Variants in ACVR2A observed in about 807,000 individuals in gnomAD.
ACVR2A encodes activin A receptor type 2A.
In ACVR2A, 7 loss-of-function variants were observed where a neutral mutation model predicts 61.4. The observed-to-expected ratio is 0.11, with a 90% CI of 0.06 to 0.21. The LOEUF is 0.21. Ranked by LOEUF, ACVR2A falls within the 10% of genes least tolerant of loss-of-function variation. The pLI is 1.00. For missense variants in ACVR2A, 322 were observed against 621.7 expected, an observed-to-expected ratio of 0.52 and a Z score of 5.13; for synonymous variants, 193 against 208.3, an observed-to-expected ratio of 0.93 and a Z score of 0.63.
At chr2:147,866,628 A>C (rs1685862143) in intron 1 of ACVR2A, among the ~76,000 whole-genome samples, 1 of 152,130 alleles carries the variant, frequency 6.6e-6, no homozygotes, top group Admixed American at 6.5e-5. Flanking sequence ...GAGTCTGCAG[A>C]GGTGGGTAGG....
At chr2:147,854,595 A>G (rs1685523073) in intron 1 of ACVR2A, among the ~76,000 whole-genome samples, 1 of 152,182 alleles carries the variant, frequency 6.6e-6, no homozygotes, top group African/African-American at 2.4e-5. Flanking sequence ...AGCCATTAAG[A>G]TTTCACTTTA....
intron 1 of ACVR2A, among the ~76,000 whole-genome samples, chr2:147,888,250 C>T (rs1384509591): frequency 2.6e-5 from 4 of 152,048 alleles, no homozygotes; most frequent in Non-Finnish European, 5.9e-5. Flanking sequence ...GTCAGGAAAG[C>T]GGGTGGTGAT....
chr2:147,886,612 A>G (rs77055899), intron 1 of ACVR2A, among the ~76,000 whole-genome samples: 1,804 of 152,322 alleles, frequency 0.012, 19 homozygotes, highest in South Asian at 0.02. Flanking sequence ...ATAATTGTAA[A>G]AGATTTACAT....
intron 7 of ACVR2A, among the ~76,000 whole-genome samples, chr2:147,919,243 G>A (rs989992264): frequency 2.6e-5 from 4 of 152,126 alleles, no homozygotes; most frequent in South Asian, 2.1e-4. Flanking sequence ...GCCACCAGGC[G>A]ATGTTTTAGG....
At chr2:147,890,356 G>A (rs1270795850) in intron 1 of ACVR2A, among the ~76,000 whole-genome samples, 1 of 151,778 alleles carries the variant, frequency 6.6e-6, no homozygotes, top group African/African-American at 2.4e-5. Context: ...GTGTGTGTGT[G>A]TGTGTGTGTG....
chr2:147,850,500 G>A (rs990109098), intron 1 of ACVR2A, among the ~76,000 whole-genome samples: 3 of 151,822 alleles, frequency 2.0e-5, no homozygotes, highest in African/African-American at 4.8e-5. Context: ...AAAAAGTTTC[G>A]CTCATCTTAT....
chr2:147,857,810 A>G (rs951297479), intron 1 of ACVR2A, among the ~76,000 whole-genome samples: 1 of 151,652 alleles, frequency 6.6e-6, no homozygotes, highest in Non-Finnish European at 1.5e-5. Context: ...ACTCACATAA[A>G]CATATATACA....
chr2:147,885,223 A>T (rs980326115), intron 1 of ACVR2A, among the ~76,000 whole-genome samples: 5 of 152,116 alleles, frequency 3.3e-5, no homozygotes, highest in Non-Finnish European at 7.4e-5. Context: ...CTAAAAAAAA[A>T]TTTCTAAAAA....
intron 1 of ACVR2A, among the ~76,000 whole-genome samples, chr2:147,853,177 T>C (rs1685487878): frequency 6.6e-6 from 1 of 152,030 alleles, no homozygotes; most frequent in African/African-American, 2.4e-5. Flanking sequence ...ATAGATATAG[T>C]TTTAGATGAT....
chr2:147,898,932 T>C (rs1281604521), intron 2 of ACVR2A, among the ~76,000 whole-genome samples: 2 of 152,132 alleles, frequency 1.3e-5, no homozygotes, highest in African/African-American at 4.8e-5. Context: ...TTTCTCAGCC[T>C]AGTTTGGGTT....
chr2:147,890,231 C>T (rs911545885), intron 1 of ACVR2A, among the ~76,000 whole-genome samples: 6 of 152,014 alleles, frequency 3.9e-5, no homozygotes, highest in African/African-American at 1.5e-4. Context: ...AGTAGCAGCC[C>T]TTCTTCTATA....
intron 1 of ACVR2A, among the ~76,000 whole-genome samples, chr2:147,887,014 C>T (rs142626080): frequency 6.6e-6 from 1 of 151,654 alleles, no homozygotes; most frequent in African/African-American, 2.4e-5. Context: ...AGTTCAAGAC[C>T]GGTCTGGGCA....
intron 8 of ACVR2A, among the ~76,000 whole-genome samples, 180 bp from the exon 9 acceptor site, chr2:147,922,793 A>G (rs1260738273): frequency 6.6e-6 from 1 of 152,156 alleles, no homozygotes; most frequent in Non-Finnish European, 1.5e-5. Context: ...CTGTACCAGC[A>G]TAATGTCTGT....
At chr2:147,914,949 T>C (rs1687214520) in intron 4 of ACVR2A, among the ~76,000 whole-genome samples, 6 of 151,984 alleles carry the variant, frequency 3.9e-5, no homozygotes, top group African/African-American at 1.4e-4. Flanking sequence ...TCTTCTCTCC[T>C]GTGGTACATA....
intron 8 of ACVR2A, among the ~76,000 whole-genome samples, chr2:147,921,219 G>A (rs1687371913): frequency 6.6e-6 from 1 of 151,936 alleles, no homozygotes; most frequent in Non-Finnish European, 1.5e-5. Context: ...ATTTTTAATG[G>A]AGATGGGGTT....
chr2:147,878,566 C>T (rs1223873881), intron 1 of ACVR2A, among the ~76,000 whole-genome samples: 1 of 151,938 alleles, frequency 6.6e-6, no homozygotes, highest in Non-Finnish European at 1.5e-5. Context: ...GGAAGACTGC[C>T]CTTGTTTTGT....
intron 1 of ACVR2A, among the ~76,000 whole-genome samples, chr2:147,894,417 AT>A (rs1190515372): frequency 6.6e-6 from 1 of 152,158 alleles, no homozygotes; most frequent in Non-Finnish European, 1.5e-5. Flanking sequence ...AGCTGAAACC[AT>A]TGATGAACTT....
At chr2:147,899,963 T>G in intron 4 of ACVR2A, 65 bp downstream of exon 4, 1 of 1,492,480 alleles carries the variant, frequency 6.7e-7, no homozygotes, top group Middle Eastern at 1.8e-4. Context: ...ATTACTGTGG[T>G]GAAACCCACT....
intron 1 of ACVR2A, among the ~76,000 whole-genome samples, chr2:147,847,176 TAA>T (rs1209074338): frequency 6.6e-6 from 1 of 152,130 alleles, no homozygotes; most frequent in Non-Finnish European, 1.5e-5. Flanking sequence ...CCACTTATAT[TAA>T]ACTAATATTA....
Sources: allele counts gnomAD v4.1 joint callset (sites outside exome capture counted in the v4.1 genomes callset), GRCh38; gene constraint gnomAD v4.1.1; transcripts MANE v1.5; gene names NCBI Gene and HGNC (gene_info 2026-07-23, HGNC 2026-07-21).